LNX2: variants seen among roughly 807,000 people sequenced by gnomAD.
The protein encoded by LNX2 is ligand of numb-protein X 2, also known as ligand of Numb protein X 2.
Under a neutral mutation model 66.2 loss-of-function variants are expected in LNX2, and 35 were observed. That is an observed-to-expected ratio of 0.53 (90% CI 0.40 to 0.70). The LOEUF (loss-of-function observed/expected upper bound fraction) is 0.70, where lower values mean the gene tolerates loss of function less well. Among genes scored for constraint, LNX2 ranks in the 30% least tolerant of loss-of-function variants. The pLI is 0.00. For synonymous variants in LNX2, 337 were observed against 315.6 expected (o/e 1.07, Z -0.72); for missense variants, 791 against 850.8 (o/e 0.93, Z 0.87).
Position 27,581,538 on chromosome 13 carries a change from G to A in LNX2, c.166C>T (p.Pro56Ser). 2 of 1,614,178 alleles carry A rather than the reference G, an allele frequency of 1.2e-6. No homozygotes were observed. Among genetic ancestry groups the A allele is most frequent in the Non-Finnish European group, 8.5e-7 (1 of 1,180,026 alleles). ...GGTGTGTCTAGTGGCTGCAGCAGAG[G>A]TTGAAGGCAAATATGGCAGACTAGG... ...DDLVCHICLQ[P>S]LLQPLDTPCG... is the part of the protein sequence containing the mutation. The change falls in exon 2 of 10, where the codon CCT (proline) becomes TCT (serine). Residue 56 changes from proline (P) to serine (S), a missense_variant. Transcript: ENST00000316334.
At chr13:27,580,966 A>G (rs1593251281) in intron 2 of LNX2, among the ~76,000 whole-genome samples, 1 of 152,220 alleles carries the variant, frequency 6.6e-6, no homozygotes, top group East Asian at 1.9e-4. Context: ...ACATTCATAT[A>G]GTTTTTAAAA....
chr13:27,584,389 G>GA (rs57375748), intron 1 of LNX2, among the ~76,000 whole-genome samples: 6,316 of 124,344 alleles, frequency 0.051, 185 homozygotes, highest in Non-Finnish European at 0.073. Flanking sequence ...TGTCTCTACA[G>GA]AAAAAAAAAA....
At chr13:27,565,025 T>C (rs939540197) in intron 4 of LNX2, among the ~76,000 whole-genome samples, 2 of 152,158 alleles carry the variant, frequency 1.3e-5, no homozygotes, top group African/African-American at 4.8e-5. Context: ...TCTTATCAAT[T>C]TGAATCATTA....
chr13:27,619,761 G>T (rs1955872077), intron 1 of LNX2, among the ~76,000 whole-genome samples: 1 of 152,202 alleles, frequency 6.6e-6, no homozygotes, highest in Admixed American at 6.5e-5. Context: ...AGCGAGTGAT[G>T]TATTTCCTGA....
In LNX2 at chr13:27,581,713, A is replaced by G. The variant is rs374401016; in HGVS notation, c.-10T>C. On this transcript the variant is annotated 5_prime_UTR_variant, in exon 2 of 10. Coordinates refer to ENST00000316334, the MANE Select transcript of LNX2 (RefSeq NM_153371.4). ...CACTTGTTGTTCCCATTTTGAATCA[A>G]TTCTGTATCCTCATGTGTTAGACTT... 51 of 1,584,816 alleles carry G rather than the reference A, an allele frequency of 3.2e-5. No individual in the cohort carries two copies. In the African/African-American group the frequency reaches 6.7e-4, roughly 21 times the overall value.
chr13:27,576,353 C>G (rs1047273948), intron 2 of LNX2, among the ~76,000 whole-genome samples: 1 of 152,082 alleles, frequency 6.6e-6, no homozygotes, highest in Non-Finnish European at 1.5e-5. Context: ...CCATTAACAG[C>G]AGAATTTACA....
intron 2 of LNX2, among the ~76,000 whole-genome samples, chr13:27,580,078 ACT>A (rs894511133): frequency 6.6e-6 from 1 of 152,090 alleles, no homozygotes; most frequent in Non-Finnish European, 1.5e-5. Flanking sequence ...TCATGTCTTA[ACT>A]CTGATGTTTA....
intron 2 of LNX2, among the ~76,000 whole-genome samples, chr13:27,577,473 C>T (rs1327782969): frequency 1.3e-5 from 2 of 151,956 alleles, no homozygotes; most frequent in African/African-American, 4.8e-5. Flanking sequence ...TTTGGCTTCC[C>T]TGGGCCACAC....
At chr13:27,621,001 C>A (rs1236136422), upstream of LNX2, 1 of 152,672 alleles carries the variant, frequency 6.5e-6, no homozygotes, top group East Asian at 1.9e-4. Flanking sequence ...GGGCCAGCGG[C>A]GAGGGGACAA....
chr13:27,582,132 TGACTCTCCCATCTCAGCCTCCCGA>T (rs1955405744), intron 1 of LNX2, among the ~76,000 whole-genome samples: 1 of 152,082 alleles, frequency 6.6e-6, no homozygotes, highest in Non-Finnish European at 1.5e-5. Flanking sequence ...CAGGCTCAAG[TGACTCTCCCATCTCAGCCTCCCGA>T]GTAGCTGGTA....
chr13:27,596,950 A>G (rs1054591968), intron 1 of LNX2, among the ~76,000 whole-genome samples: 1 of 152,190 alleles, frequency 6.6e-6, no homozygotes, highest in African/African-American at 2.4e-5. Flanking sequence ...TGCTTCTCTG[A>G]AGGTTGCCTT....
intron 1 of LNX2, among the ~76,000 whole-genome samples, chr13:27,591,561 T>C (rs1008784868): frequency 1.3e-5 from 2 of 152,218 alleles, no homozygotes; most frequent in Non-Finnish European, 2.9e-5. Context: ...TAATTATTCT[T>C]TTCCCTAACC....
At chr13:27,592,719 G>A (rs1193210209) in intron 1 of LNX2, among the ~76,000 whole-genome samples, 4 of 152,212 alleles carry the variant, frequency 2.6e-5, no homozygotes, top group African/African-American at 7.2e-5. Context: ...GGACGAAGAG[G>A]ACCAGGCAGA....
intron 1 of LNX2, among the ~76,000 whole-genome samples, chr13:27,587,961 C>A (rs1593255473): frequency 1.4e-5 from 2 of 138,206 alleles, no homozygotes; most frequent in African/African-American, 5.4e-5. Flanking sequence ...GCAGAGCTTG[C>A]AGTAAGCCGA....
chr13:27,553,097 GAA>G (rs755133548), intron 8 of LNX2, 109 bp downstream of exon 8: 76 of 875,886 alleles, frequency 8.7e-5, no homozygotes, highest in Admixed American at 1.3e-4. Context: ...CTATTTTACT[GAA>G]TTAAAGCTTT....
intron 1 of LNX2, among the ~76,000 whole-genome samples, chr13:27,587,272 C>G (rs535870553): frequency 2.0e-5 from 3 of 152,134 alleles, no homozygotes; most frequent in Non-Finnish European, 4.4e-5. Context: ...TCTGCCTCCT[C>G]CTACTCTTGA....
intron 1 of LNX2, among the ~76,000 whole-genome samples, chr13:27,587,771 C>T (rs1333393567): frequency 6.6e-6 from 1 of 152,094 alleles, no homozygotes; most frequent in Non-Finnish European, 1.5e-5. Flanking sequence ...CCTGTAATCC[C>T]AGCACTTTGG....
chr13:27,574,143 T>C (rs534612036), intron 2 of LNX2, among the ~76,000 whole-genome samples: 1 of 152,288 alleles, frequency 6.6e-6, no homozygotes, highest in East Asian at 1.9e-4. Context: ...ACAGAAATTC[T>C]GGGGTTAAAA....
chr13:27,555,637 GATTTA>G (rs1260695170), intron 7 of LNX2, among the ~76,000 whole-genome samples: 14 of 152,100 alleles, frequency 9.2e-5, no homozygotes, highest in Admixed American at 6.5e-4. Context: ...CATCCATTAT[GATTTA>G]ATTTGTGTTT....
Sources: allele counts gnomAD v4.1 joint callset (sites outside exome capture counted in the v4.1 genomes callset), GRCh38; gene constraint gnomAD v4.1.1; transcripts MANE v1.5; gene names NCBI Gene and HGNC (gene_info 2026-07-23, HGNC 2026-07-21).